ACER3: variants seen among roughly 807,000 people sequenced by gnomAD.
The protein encoded by ACER3 is alkCDase 3.
A neutral mutation model predicts 48.9 loss-of-function variants in ACER3; 16 were observed. That is an observed-to-expected ratio of 0.33 (90% CI 0.22 to 0.50). ACER3 has a LOEUF of 0.50. Ranked by LOEUF, ACER3 falls within the 20% of genes least tolerant of loss-of-function variation. ACER3 has a pLI of 0.98. For missense variants in ACER3, 227 were observed against 326.0 expected (o/e 0.70, Z 2.34); for synonymous variants, 109 against 107.8 (o/e 1.01, Z -0.07).
chr11:76,985,054 G>T (rs1025988643), intron 4 of ACER3, among the ~76,000 whole-genome samples: 11 of 151,962 alleles, frequency 7.2e-5, no homozygotes, highest in South Asian at 2.1e-4. Flanking sequence ...GATTACTTCT[G>T]CTCATTCATC....
chr11:76,926,968 T>A (rs953267042), intron 2 of ACER3, among the ~76,000 whole-genome samples: 2 of 152,138 alleles, frequency 1.3e-5, no homozygotes, highest in South Asian at 4.1e-4. Context: ...TTGTTTCAGA[T>A]CTTTTTCTTT....
In ACER3 at chr11:76,933,864, G is replaced by C. The variant is rs372471104; in HGVS notation, c.214+7197G>C. On this transcript the variant is annotated intron_variant, in intron 2 of 10. Coordinates refer to ENST00000532485, the MANE Select transcript of ACER3 (RefSeq NM_018367.7). ...TCACTTCCCAGACGGGGCGGCTGCC[G>C]GGCGGAGGGGCTCCTCACTTCTCAG... Among the ~76,000 whole-genome samples, 801 of 149,180 alleles carry C rather than the reference G, an allele frequency of 5.4e-3. 5 individuals carry two copies. Among genetic ancestry groups the C allele is most frequent in the Non-Finnish European group, 8.4e-3 (558 of 66,824 alleles).
At chr11:76,990,446 G>T (rs1948775477) in intron 5 of ACER3, 93 bp from the exon 6 acceptor site, 1 of 899,024 alleles carries the variant, frequency 1.1e-6, no homozygotes, top group Non-Finnish European at 1.9e-6. Flanking sequence ...GGGGGAAGCA[G>T]GAGAGGTTTG....
At chr11:76,931,609 G>T (rs1947001016) in intron 2 of ACER3, among the ~76,000 whole-genome samples, 1 of 152,192 alleles carries the variant, frequency 6.6e-6, no homozygotes, top group South Asian at 2.1e-4. Context: ...AGTACCAGTT[G>T]TTCCTTTCCA....
intron 1 of ACER3, among the ~76,000 whole-genome samples, chr11:76,864,169 A>G (rs1474433355): frequency 6.6e-6 from 1 of 152,242 alleles, no homozygotes; most frequent in East Asian, 1.9e-4. Context: ...AGCATCAGCC[A>G]AGATCAGTTT....
At chr11:76,910,657 T>C (rs1252941092) in intron 1 of ACER3, among the ~76,000 whole-genome samples, 1 of 152,146 alleles carries the variant, frequency 6.6e-6, no homozygotes, top group African/African-American at 2.4e-5. Context: ...AACATATAAA[T>C]AGTTTAGTAA....
At chr11:76,877,409 T>C (rs536603465) in intron 1 of ACER3, among the ~76,000 whole-genome samples, 4 of 152,322 alleles carry the variant, frequency 2.6e-5, no homozygotes, top group South Asian at 2.1e-4. Context: ...CACTCACTTA[T>C]TCATTTATAC....
intron 1 of ACER3, among the ~76,000 whole-genome samples, chr11:76,905,119 C>T (rs1248093008): frequency 7.2e-5 from 11 of 152,092 alleles, no homozygotes; most frequent in South Asian, 2.1e-4. Flanking sequence ...CCCAAAGTGC[C>T]GGGTTTACAA....
chr11:76,963,369 T>G (rs1247639422), intron 3 of ACER3, among the ~76,000 whole-genome samples: 1 of 151,506 alleles, frequency 6.6e-6, no homozygotes, highest in Non-Finnish European at 1.5e-5. Flanking sequence ...TGTGAAAGCT[T>G]TTCAATTCAG....
Position 77,023,386 on chromosome 11 carries a change from C to T in ACER3, c.*3059C>T, listed in dbSNP as rs149282407. The stretch of plus-strand genomic sequence containing the variant: ...CTTCAGGTACATAATGCATGAAAAT[C>T]TTTAAATGCCTGCAAAAATTAAGTT... On this transcript the variant is annotated 3_prime_UTR_variant, in exon 11 of 11. Coordinates refer to ENST00000532485, the MANE Select transcript of ACER3 (RefSeq NM_018367.7). The T allele has an allele frequency of 2.7e-6, 1 of 377,062 alleles. No homozygotes were observed. Among genetic ancestry groups the T allele is most frequent in the Non-Finnish European group, 4.7e-6 (1 of 212,124 alleles). 23.4% of individuals were successfully genotyped at this position (377,062 alleles called of 1,614,324 possible).
chr11:77,019,681 T>A, intron 9 of ACER3, 50 bp from the exon 10 acceptor site: 1 of 1,584,428 alleles, frequency 6.3e-7, no homozygotes, highest in Non-Finnish European at 8.7e-7. Flanking sequence ...CCAGTTTGCA[T>A]GAATTCAAAA....
At chr11:76,886,995 G>A (rs1336599587) in intron 1 of ACER3, among the ~76,000 whole-genome samples, 1 of 151,930 alleles carries the variant, frequency 6.6e-6, no homozygotes, top group Non-Finnish European at 1.5e-5. Context: ...ACTTACTGTC[G>A]AGAACAATAT....
intron 2 of ACER3, among the ~76,000 whole-genome samples, chr11:76,943,208 G>A (rs545112332): frequency 2.0e-5 from 3 of 151,838 alleles, no homozygotes; most frequent in South Asian, 4.1e-4. Context: ...CTAACTTTGG[G>A]TTTGGTTTGT....
intron 2 of ACER3, among the ~76,000 whole-genome samples, chr11:76,936,015 C>T (rs1184492769): frequency 6.6e-6 from 1 of 152,166 alleles, no homozygotes; most frequent in Non-Finnish European, 1.5e-5. Flanking sequence ...ACAAAACACC[C>T]TGCATTAGTT....
chr11:76,940,632 A>G (rs185271317), intron 2 of ACER3, among the ~76,000 whole-genome samples: 3 of 152,248 alleles, frequency 2.0e-5, no homozygotes, highest in Admixed American at 6.5e-5. Context: ...TGACTTAACA[A>G]TCCTTCTCTT....
At chr11:76,909,356 T>A (rs1328106915) in intron 1 of ACER3, among the ~76,000 whole-genome samples, 5 of 151,590 alleles carry the variant, frequency 3.3e-5, no homozygotes, top group Admixed American at 6.6e-5. Context: ...TGGGAGAAAA[T>A]TTTTGCAATC....
intron 1 of ACER3, among the ~76,000 whole-genome samples, chr11:76,875,460 G>A (rs1041549377): frequency 1.3e-5 from 2 of 152,132 alleles, no homozygotes; most frequent in South Asian, 4.1e-4. Context: ...ATACAACAAA[G>A]TTGGAAGAAT....
At chr11:76,930,444 G>GT (rs1199887939) in intron 2 of ACER3, among the ~76,000 whole-genome samples, 3 of 152,076 alleles carry the variant, frequency 2.0e-5, no homozygotes, top group East Asian at 1.9e-4. Flanking sequence ...TTTTTGAAGG[G>GT]TTTTTTGTGT....
intron 1 of ACER3, among the ~76,000 whole-genome samples, chr11:76,872,911 CT>C (rs59654087): frequency 4.9e-4 from 34 of 68,742 alleles, no homozygotes; most frequent in East Asian, 2.1e-3. Flanking sequence ...TTTTCTTTTT[CT>C]TTTTTTTTTT....
Sources: gnomAD v4.1 joint callset for allele counts (sites outside exome capture counted in the v4.1 genomes callset) on GRCh38, gnomAD v4.1.1 for gene constraint, MANE v1.5 for transcripts, NCBI Gene and HGNC (gene_info 2026-07-23, HGNC 2026-07-21) for gene names.